Variants in SKAP2 observed in about 807,000 individuals in gnomAD.
SKAP2 encodes the protein src kinase associated phosphoprotein 2.
In SKAP2, 28 loss-of-function variants were observed where a neutral mutation model predicts 54.9. The observed-to-expected ratio is 0.51, with a 90% CI of 0.38 to 0.70. The LOEUF is 0.70. SKAP2 is among the 30% of genes least tolerant of loss of function. The probability of loss-of-function intolerance (pLI) is 0.00; values close to 1 mark genes in which losing one functional copy is unlikely to be tolerated. For synonymous variants in SKAP2, 137 were observed against 134.3 expected (o/e 1.02, Z -0.14); for missense variants, 356 against 424.1 (o/e 0.84, Z 1.41).
At chr7:26,844,240 A>G in intron 3 of SKAP2, 103 bp from the exon 4 acceptor site, 2 of 673,318 alleles carry the variant, frequency 3.0e-6, no homozygotes, top group South Asian at 3.8e-5. Context: ...GGTAAATTCT[A>G]CTAGTAAATT....
chr7:26,773,827 T>C (rs962665088), intron 4 of SKAP2, among the ~76,000 whole-genome samples: 2 of 152,186 alleles, frequency 1.3e-5, no homozygotes, highest in Non-Finnish European at 2.9e-5. Flanking sequence ...ATAAATATTA[T>C]AGAAGCTTAA....
At chr7:26,749,693 G>GC (rs1334373588) in intron 4 of SKAP2, among the ~76,000 whole-genome samples, 2 of 151,246 alleles carry the variant, frequency 1.3e-5, no homozygotes, top group Non-Finnish European at 2.9e-5. Context: ...ATATGATAGT[G>GC]CCACTGCACT....
At chr7:26,723,790 C>T (rs1048020855) in intron 9 of SKAP2, among the ~76,000 whole-genome samples, 1 of 151,918 alleles carries the variant, frequency 6.6e-6, no homozygotes, top group East Asian at 1.9e-4. Flanking sequence ...TAATGTAACA[C>T]ATTCATTGCA....
At chr7:26,827,768 T>C (rs914071475) in intron 4 of SKAP2, among the ~76,000 whole-genome samples, 1 of 152,188 alleles carries the variant, frequency 6.6e-6, no homozygotes, top group South Asian at 2.1e-4. Context: ...GGCAGAAATA[T>C]CAAATTGCTA....
At chr7:26,761,429 G>C (rs1267776184) in intron 4 of SKAP2, among the ~76,000 whole-genome samples, 2 of 152,150 alleles carry the variant, frequency 1.3e-5, no homozygotes, top group African/African-American at 4.8e-5. Context: ...TTTTTAAAAT[G>C]TAATCTTATA....
At chr7:26,673,684 C>A (rs1411575355) in intron 11 of SKAP2, among the ~76,000 whole-genome samples, 1 of 151,960 alleles carries the variant, frequency 6.6e-6, no homozygotes, top group Non-Finnish European at 1.5e-5. Context: ...CCCAGTAATC[C>A]GAGAAAATAA....
intron 4 of SKAP2, among the ~76,000 whole-genome samples, chr7:26,740,255 T>C (rs189279606): frequency 6.6e-6 from 1 of 152,148 alleles, no homozygotes; most frequent in East Asian, 1.9e-4. Flanking sequence ...AATAAATCCC[T>C]GAAAGAGAGG....
At chr7:26,664,293 A>G (rs368730618), downstream of SKAP2, among the ~76,000 whole-genome samples, 3 of 152,178 alleles carry the variant, frequency 2.0e-5, no homozygotes, top group Non-Finnish European at 2.9e-5. Context: ...AATTGAATGA[A>G]AAGTGCACAG....
At chr7:26,850,781 G>A (rs1785023419) in intron 3 of SKAP2, among the ~76,000 whole-genome samples, 1 of 152,022 alleles carries the variant, frequency 6.6e-6, no homozygotes, top group Admixed American at 6.5e-5. Context: ...CTAAGTACAA[G>A]TAAAATTAAG....
At chr7:26,677,438 G>A (rs1786375724) in intron 11 of SKAP2, among the ~76,000 whole-genome samples, 1 of 149,248 alleles carries the variant, frequency 6.7e-6, no homozygotes. Context: ...AATGACTGAT[G>A]TCTATTGGCT....
At chr7:26,825,460 TTGTACC>T (rs1295571558) in intron 4 of SKAP2, among the ~76,000 whole-genome samples, 1 of 152,044 alleles carries the variant, frequency 6.6e-6, no homozygotes, top group Non-Finnish European at 1.5e-5. Context: ...ATCTATACAA[TTGTACC>T]TTTTCATATA....
At chr7:26,714,609 T>C (rs1787391755) in intron 9 of SKAP2, among the ~76,000 whole-genome samples, 1 of 152,222 alleles carries the variant, frequency 6.6e-6, no homozygotes. Context: ...TTGTTCATTC[T>C]TATTAATCAC....
At chr7:26,776,448 C>A (rs187478449) in intron 4 of SKAP2, among the ~76,000 whole-genome samples, 1 of 152,132 alleles carries the variant, frequency 6.6e-6, no homozygotes, top group African/African-American at 2.4e-5. Flanking sequence ...CTCTGTATGA[C>A]TGACCTAATT....
chr7:26,700,899 T>C (rs1787008791), intron 9 of SKAP2, among the ~76,000 whole-genome samples: 1 of 152,202 alleles, frequency 6.6e-6, no homozygotes, highest in South Asian at 2.1e-4. Context: ...ATTTACAATT[T>C]CTCTTGTAAT....
chr7:26,752,421 A>T (rs1472273298), intron 4 of SKAP2, among the ~76,000 whole-genome samples: 1 of 152,182 alleles, frequency 6.6e-6, no homozygotes, highest in African/African-American at 2.4e-5. Context: ...GCCAAAGTGA[A>T]ATTCAGTAAA....
At position 26,670,756 on chromosome 7, in the gene SKAP2, A is replaced by C. The variant is rs887200990; in HGVS notation, c.988-564T>G. Reference sequence around the variant, plus strand: ...AGAATACGGAAACACTAATAATACCAAAAAACTGCTTAAAAAATAATTCAC... The same window carrying C: ...AGAATACGGAAACACTAATAATACCCAAAAACTGCTTAAAAAATAATTCAC... On this transcript the variant is annotated intron_variant, in intron 11 of 12. Coordinates refer to ENST00000345317, the MANE Select transcript of SKAP2 (RefSeq NM_003930.5). Among the ~76,000 whole-genome samples the C allele has an allele frequency of 5.3e-5, 8 of 152,092 alleles. No individual in the cohort carries two copies. In the East Asian group the frequency reaches 5.8e-4, roughly 11 times the overall value.
chr7:26,727,616 C>G (rs1297902861), intron 6 of SKAP2, among the ~76,000 whole-genome samples: 1 of 151,872 alleles, frequency 6.6e-6, no homozygotes, highest in Admixed American at 6.6e-5. Context: ...GCATTAGTTA[C>G]CAAAAATAGA....
At chr7:26,691,769 TAAG>T (rs1346417579) in intron 9 of SKAP2, among the ~76,000 whole-genome samples, 1 of 152,108 alleles carries the variant, frequency 6.6e-6, no homozygotes, top group Non-Finnish European at 1.5e-5. Flanking sequence ...GGAGAGAGGA[TAAG>T]AAGGATATTT....
intron 4 of SKAP2, among the ~76,000 whole-genome samples, chr7:26,787,787 CA>C (rs1254322613): frequency 6.6e-6 from 1 of 152,180 alleles, no homozygotes; most frequent in African/African-American, 2.4e-5. Flanking sequence ...AGCACCAAGC[CA>C]TGAGGGATCT....
Sources: allele counts gnomAD v4.1 joint callset (sites outside exome capture counted in the v4.1 genomes callset), GRCh38; gene constraint gnomAD v4.1.1; transcripts MANE v1.5; gene names NCBI Gene and HGNC (gene_info 2026-07-23, HGNC 2026-07-21).